The following DLGAP2 variants were observed in gnomAD, a reference collection of about 807,000 sequenced individuals.
DLGAP2 encodes disks large-associated protein 2.
A neutral mutation model predicts 100.3 loss-of-function variants in DLGAP2; 26 were observed. The ratio of observed to expected loss-of-function variants is 0.26; its 90% CI spans 0.19 to 0.36. The LOEUF (loss-of-function observed/expected upper bound fraction) is 0.36, where lower values mean the gene tolerates loss of function less well. DLGAP2 is among the 10% of genes least tolerant of loss of function. The pLI, the probability that DLGAP2 is intolerant of heterozygous loss-of-function variation, is 1.00. For missense variants in DLGAP2, 1,858 were observed against 1,453.2 expected (o/e 1.28, Z -4.53); for synonymous variants, 886 against 630.1 (o/e 1.41, Z -6.08).
At chr8:798,339 G>A (rs542721137) in intron 1 of DLGAP2, among the ~76,000 whole-genome samples, 2 of 143,174 alleles carry the variant, frequency 1.4e-5, no homozygotes, top group African/African-American at 2.6e-5. Flanking sequence ...GAAAGCAAAC[G>A]CTTGTTGAGT....
chr8:1,340,631 G>T (rs1443834521), intron 3 of DLGAP2, among the ~76,000 whole-genome samples: 1 of 152,212 alleles, frequency 6.6e-6, no homozygotes. Context: ...CTGTTAGCTG[G>T]GAGTGTAAAG....
intron 3 of DLGAP2, among the ~76,000 whole-genome samples, chr8:1,376,546 C>G (rs1472783766): frequency 6.6e-6 from 1 of 152,210 alleles, no homozygotes; most frequent in African/African-American, 2.4e-5. Context: ...GAAGAAGACG[C>G]TCCCTTTCAG....
chr8:1,578,276 A>G (rs564965358), intron 6 of DLGAP2, among the ~76,000 whole-genome samples: 6 of 152,254 alleles, frequency 3.9e-5, no homozygotes, highest in East Asian at 1.9e-4. Flanking sequence ...CACCTGAACA[A>G]TAGTTAAGAA....
At chr8:1,671,096 G>A (rs1798679799) in intron 10 of DLGAP2, among the ~76,000 whole-genome samples, 1 of 152,242 alleles carries the variant, frequency 6.6e-6, no homozygotes, top group African/African-American at 2.4e-5. Flanking sequence ...TGAGGCTCAG[G>A]GAGGGTCAGT....
At chr8:813,695 G>A (rs900249566) in intron 1 of DLGAP2, among the ~76,000 whole-genome samples, 5 of 152,126 alleles carry the variant, frequency 3.3e-5, no homozygotes, top group African/African-American at 1.2e-4. Flanking sequence ...TTTGTCTCTA[G>A]CACAAAAGTG....
chr8:1,058,357 C>G (rs745656623), intron 2 of DLGAP2, among the ~76,000 whole-genome samples: 1 of 152,206 alleles, frequency 6.6e-6, no homozygotes, highest in South Asian at 2.1e-4. Flanking sequence ...ACGGCTCCGA[C>G]GGGCGACCTG....
At chr8:876,437 A>G (rs6990832) in intron 1 of DLGAP2, among the ~76,000 whole-genome samples, 122,843 of 152,182 alleles carry the variant, frequency 0.81, 50,537 homozygotes, top group African/African-American at 0.87. Flanking sequence ...TTTCTTTTGA[A>G]TACTTTCAGT....
chr8:1,389,784 G>A (rs1367557984), intron 3 of DLGAP2, among the ~76,000 whole-genome samples: 3 of 152,008 alleles, frequency 2.0e-5, no homozygotes, highest in Admixed American at 6.5e-5. Context: ...AACCCCGGGC[G>A]GAGACCCAGA....
At chr8:1,561,437 C>G (rs1016106645) in intron 5 of DLGAP2, among the ~76,000 whole-genome samples, 3 of 152,184 alleles carry the variant, frequency 2.0e-5, no homozygotes, top group Non-Finnish European at 4.4e-5. Context: ...GCCTGTCCAG[C>G]TCACGGTCAC....
At chr8:1,235,423 T>C (rs1174742025) in intron 2 of DLGAP2, among the ~76,000 whole-genome samples, 8 of 152,126 alleles carry the variant, frequency 5.3e-5, no homozygotes, top group African/African-American at 1.9e-4. Flanking sequence ...GCATCGTGTC[T>C]AGTTCCCTCA....
At chr8:1,360,480 C>A (rs1000717794) in intron 3 of DLGAP2, among the ~76,000 whole-genome samples, 3 of 152,166 alleles carry the variant, frequency 2.0e-5, no homozygotes, top group African/African-American at 7.2e-5. Context: ...AGGGACCCTG[C>A]CCCACTGCAT....
At chr8:886,964 G>A (rs1699627743) in intron 1 of DLGAP2, among the ~76,000 whole-genome samples, 1 of 152,168 alleles carries the variant, frequency 6.6e-6, no homozygotes, top group Admixed American at 6.5e-5. Context: ...CACTGACAGT[G>A]GGGTGCTAAA....
At chr8:1,445,429 T>A (rs1797959375) in intron 3 of DLGAP2, among the ~76,000 whole-genome samples, 2 of 152,028 alleles carry the variant, frequency 1.3e-5, no homozygotes, top group African/African-American at 4.8e-5. Context: ...TCTTCATTTT[T>A]TATGGCTGCA....
intron 2 of DLGAP2, among the ~76,000 whole-genome samples, chr8:1,067,120 GC>G (rs1355071680): frequency 2.6e-5 from 4 of 152,154 alleles, no homozygotes; most frequent in Non-Finnish European, 4.4e-5. Context: ...TCTCCGCACA[GC>G]CCCCTCTGTG....
chr8:1,505,298 C>A (rs906265862), intron 4 of DLGAP2, among the ~76,000 whole-genome samples: 1 of 152,196 alleles, frequency 6.6e-6, no homozygotes, highest in Non-Finnish European at 1.5e-5. Context: ...TTCCAAAATG[C>A]TGTGGGACAT....
rs145834327 is a variant in DLGAP2 at position 1,289,411 on chromosome 8, G to T, written c.106+30528G>T. Among the ~76,000 whole-genome samples the T allele has an allele frequency of 2.1e-3, 313 of 152,306 alleles. 4 individuals carry two copies. The highest frequency in any genetic ancestry group is 7.0e-3 in the African/African-American group (290 of 41,560). ...TCAATTCCACTGTTAGTTCAGAGTG[G>T]TTGCTACACACATGCCCTGTCTATT... On this transcript the variant is annotated intron_variant, in intron 3 of 14. Transcript: ENST00000637795.
chr8:1,431,427 G>T (rs1017442364), intron 3 of DLGAP2, among the ~76,000 whole-genome samples: 10 of 152,236 alleles, frequency 6.6e-5, no homozygotes, highest in Non-Finnish European at 1.3e-4. Flanking sequence ...GTCAAGCTCA[G>T]TTCCGTTGGC....
chr8:1,594,718 C>G (rs1186456001), intron 6 of DLGAP2, among the ~76,000 whole-genome samples: 3 of 152,168 alleles, frequency 2.0e-5, no homozygotes, highest in Non-Finnish European at 4.4e-5. Context: ...GCCACCGCGC[C>G]CGGCCAGGTC....
At chr8:741,613 T>G (rs984605754) in intron 1 of DLGAP2, among the ~76,000 whole-genome samples, 1 of 152,182 alleles carries the variant, frequency 6.6e-6, no homozygotes, top group Non-Finnish European at 1.5e-5. Flanking sequence ...TGTCTGTATT[T>G]ATTGGCGGGC....
Sources: gnomAD v4.1 joint callset for allele counts (sites outside exome capture counted in the v4.1 genomes callset) on GRCh38, gnomAD v4.1.1 for gene constraint, MANE v1.5 for transcripts, NCBI Gene and HGNC (gene_info 2026-07-23, HGNC 2026-07-21) for gene names.